Variants in ATP8B4 observed in about 807,000 individuals in gnomAD.
ATP8B4 encodes the protein ATPase phospholipid transporting 8B4 (putative).
ATP8B4 carries 133 observed loss-of-function variants against 145.6 expected under a neutral mutation model. The observed-to-expected ratio is 0.91, with a 90% CI of 0.79 to 1.05. The LOEUF (loss-of-function observed/expected upper bound fraction) is 1.05, where lower values mean the gene tolerates loss of function less well. Among genes scored for constraint, ATP8B4 ranks in the 50% least tolerant of loss-of-function variants. The pLI, the probability that ATP8B4 is intolerant of heterozygous loss-of-function variation, is 0.00. For missense variants in ATP8B4, 1,458 were observed against 1,425.2 expected, an observed-to-expected ratio of 1.02 and a Z score of -0.37; for synonymous variants, 507 against 492.9, an observed-to-expected ratio of 1.03 and a Z score of -0.38.
chr15:50,121,487 A>G (rs55917087), upstream of ATP8B4, among the ~76,000 whole-genome samples: 63,559 of 151,864 alleles, frequency 0.42, 13,824 homozygotes, highest in East Asian at 0.67. Context: ...TTAAAATGAT[A>G]AATGTCATGT....
chr15:50,148,046 G>A (rs1271755325), intron 1 of ATP8B4, among the ~76,000 whole-genome samples: 2 of 152,102 alleles, frequency 1.3e-5, no homozygotes, highest in African/African-American at 4.8e-5. Flanking sequence ...AACTTAATAC[G>A]AGCAATAATG....
In ATP8B4 at chr15:49,897,413, A is replaced by G. The variant is rs746871782; in HGVS notation, c.2576T>C (p.Leu859Pro). Residue 859 changes from leucine (L) to proline (P), a missense_variant, in exon 23 of 28, where the codon CTT becomes CCT. By Grantham distance (98) the Leu-to-Pro change is moderately conservative (BLOSUM62 -3). Coordinates refer to ENST00000284509, the MANE Select transcript of ATP8B4 (RefSeq NM_024837.4). ...AQFRYLQRLL[L>P]VHGRWSYFRM... ...GAAATAAGACCACCTTCCATGAACA[A>G]GGAGAAGCCTTTGGAGATATCTAAA... 8 of 1,613,836 alleles carry G rather than the reference A, an allele frequency of 5.0e-6. No individual in the cohort carries two copies. Among genetic ancestry groups the G allele is most frequent in the Non-Finnish European group, 2.5e-6 (3 of 1,179,870 alleles).
At chr15:50,121,429 A>T (rs1183633648), upstream of ATP8B4, among the ~76,000 whole-genome samples, 1 of 152,148 alleles carries the variant, frequency 6.6e-6, no homozygotes, top group Non-Finnish European at 1.5e-5. Context: ...ATAGTTATAC[A>T]ACACTGTGAA....
chr15:49,915,824 G>A (rs1022320286), intron 20 of ATP8B4, among the ~76,000 whole-genome samples: 6 of 147,346 alleles, frequency 4.1e-5, no homozygotes, highest in African/African-American at 1.0e-4. Flanking sequence ...TAACCAGCAC[G>A]ATATAGCAGG....
In ATP8B4 at chr15:50,073,011, TATATATATAC is replaced by T. The variant is rs1190374163; in HGVS notation, c.87+1106_87+1115del. Among the ~76,000 whole-genome samples, 297 of 44,782 alleles carry T rather than the reference TATATATATAC, an allele frequency of 6.6e-3. 10 individuals carry two copies. The highest frequency in any genetic ancestry group is 9.2e-3 in the African/African-American group (88 of 9,522). 29.4% of individuals were successfully genotyped at this position (44,782 alleles called of 152,430 possible). A position where few individuals can be genotyped will look rare whatever the true frequency, so the allele number is the denominator to read the frequency against. ...ATATATATATATATATATATATATA[TATATATATAC>T]ACACACACACACACACACACACACA... On this transcript the variant is annotated intron_variant, in intron 3 of 27. Coordinates refer to ENST00000284509, the MANE Select transcript of ATP8B4 (RefSeq NM_024837.4).
chr15:50,028,195 T>C (rs778282630), intron 6 of ATP8B4, among the ~76,000 whole-genome samples: 1 of 152,210 alleles, frequency 6.6e-6, no homozygotes, highest in Non-Finnish European at 1.5e-5. Context: ...CCAGGTCCTT[T>C]TGAGTCCTTA....
intron 4 of ATP8B4, among the ~76,000 whole-genome samples, chr15:50,046,829 A>G (rs2051761553): frequency 6.6e-6 from 1 of 152,250 alleles, no homozygotes; most frequent in Admixed American, 6.5e-5. Context: ...TAGTTAGGAG[A>G]AAAAGCAAAG....
At chr15:50,045,366 T>C (rs2051633830) in intron 4 of ATP8B4, among the ~76,000 whole-genome samples, 1 of 152,148 alleles carries the variant, frequency 6.6e-6, no homozygotes, top group Admixed American at 6.5e-5. Flanking sequence ...ACTAGGTCTC[T>C]TGGACTCCAA....
At chr15:50,117,923 C>T (rs1422654772) in intron 1 of ATP8B4, among the ~76,000 whole-genome samples, 2 of 152,070 alleles carry the variant, frequency 1.3e-5, no homozygotes, top group East Asian at 3.8e-4. Context: ...ATCACATATC[C>T]TCTGTCATAT....
rs975579839 is a variant in ATP8B4 at position 49,861,762 on chromosome 15, C to T, written c.3297+483G>A. ...GTGTACTAATCTACCCAGCATGCTG[C>T]TCTTCCCCTTCTTAATCTGTTCAGA... On this transcript the variant is annotated intron_variant, in intron 27 of 27. Coordinates refer to ENST00000284509, the MANE Select transcript of ATP8B4 (RefSeq NM_024837.4). Among the ~76,000 whole-genome samples, 3 of 152,204 alleles carry T rather than the reference C, an allele frequency of 2.0e-5. No individual in the cohort carries two copies. The South Asian group carries it at 6.2e-4, about 31-fold the overall frequency.
chr15:50,129,584 A>G (rs2057331008), intron 1 of ATP8B4, among the ~76,000 whole-genome samples: 2 of 152,138 alleles, frequency 1.3e-5, no homozygotes, highest in African/African-American at 4.8e-5. Context: ...TATGACCTCA[A>G]TCTTAACATC....
At chr15:50,031,944 G>C (rs191425235) in intron 6 of ATP8B4, among the ~76,000 whole-genome samples, 42 of 152,230 alleles carry the variant, frequency 2.8e-4, no homozygotes, top group Admixed American at 2.0e-3. Context: ...GTTAATTATT[G>C]TAATATAAAA....
chr15:50,029,654 A>G (rs2050289273), intron 6 of ATP8B4, among the ~76,000 whole-genome samples: 1 of 152,206 alleles, frequency 6.6e-6, no homozygotes, highest in Non-Finnish European at 1.5e-5. Context: ...CCATGACAGT[A>G]GGACGTGGTA....
At chr15:49,964,690 C>T (rs1409631064) in intron 13 of ATP8B4, among the ~76,000 whole-genome samples, 4 of 152,022 alleles carry the variant, frequency 2.6e-5, no homozygotes, top group Non-Finnish European at 5.9e-5. Flanking sequence ...CTGCATTTCA[C>T]GAGAGGAATT....
At chr15:50,091,271 T>C (rs543511422) in intron 2 of ATP8B4, among the ~76,000 whole-genome samples, 2 of 152,326 alleles carry the variant, frequency 1.3e-5, no homozygotes, top group Non-Finnish European at 2.9e-5. Context: ...CAGTGACAGA[T>C]AACATTCATT....
chr15:49,886,895 T>C (rs2036254013), intron 23 of ATP8B4, among the ~76,000 whole-genome samples: 1 of 151,996 alleles, frequency 6.6e-6, no homozygotes, highest in Non-Finnish European at 1.5e-5. Flanking sequence ...CTGCAGCCTC[T>C]GCCCCCTGGG....
chr15:49,972,894 G>A (rs554718892), intron 12 of ATP8B4, 104 bp from the exon 13 acceptor site: 2 of 1,134,140 alleles, frequency 1.8e-6, no homozygotes, highest in African/African-American at 3.1e-5. Context: ...CCAGGGGTTA[G>A]AGGAAAATGT....
intron 2 of ATP8B4, among the ~76,000 whole-genome samples, chr15:50,075,894 A>G (rs2054137554): frequency 6.6e-6 from 1 of 152,230 alleles, no homozygotes; most frequent in African/African-American, 2.4e-5. Flanking sequence ...CAGAAGTAGT[A>G]AAATTGCTGA....
intron 14 of ATP8B4, among the ~76,000 whole-genome samples, chr15:49,958,641 TTA>T (rs1320475927): frequency 1.3e-5 from 2 of 151,914 alleles, no homozygotes; most frequent in Admixed American, 1.3e-4. Flanking sequence ...TTTAAAAGAC[TTA>T]TGAGTCTTTG....
Sources: gnomAD v4.1 joint callset for allele counts (sites outside exome capture counted in the v4.1 genomes callset) on GRCh38, gnomAD v4.1.1 for gene constraint, MANE v1.5 for transcripts, NCBI Gene and HGNC (gene_info 2026-07-23, HGNC 2026-07-21) for gene names.